KCNIP4: variants seen among roughly 807,000 people sequenced by gnomAD.
The protein encoded by KCNIP4 is Kv channel-interacting protein 4.
KCNIP4 carries 12 observed loss-of-function variants against 34.0 expected under a neutral mutation model. That is an observed-to-expected ratio of 0.35 (90% CI 0.23 to 0.57). The LOEUF (loss-of-function observed/expected upper bound fraction) is 0.57, where lower values mean the gene tolerates loss of function less well. Among genes scored for constraint, KCNIP4 ranks in the 20% least tolerant of loss-of-function variants. KCNIP4 has a pLI of 0.83. For synonymous variants in KCNIP4, 124 were observed against 102.2 expected, an observed-to-expected ratio of 1.21 and a Z score of -1.29; for missense variants, 238 against 311.7, an observed-to-expected ratio of 0.76 and a Z score of 1.78.
At chr4:21,670,962 AC>A (rs912542036) in intron 1 of KCNIP4, among the ~76,000 whole-genome samples, 8 of 143,534 alleles carry the variant, frequency 5.6e-5, no homozygotes, top group African/African-American at 1.8e-4. Context: ...GGCTGAGTAA[AC>A]TTTTTTTTTT....
At chr4:20,819,208 C>G (rs1450446723) in intron 3 of KCNIP4, among the ~76,000 whole-genome samples, 1 of 152,022 alleles carries the variant, frequency 6.6e-6, no homozygotes, top group African/African-American at 2.4e-5. Context: ...TATACACAAA[C>G]ACTATCATTA....
intron 1 of KCNIP4, among the ~76,000 whole-genome samples, chr4:21,837,501 T>C (rs1259656474): frequency 1.9e-5 from 2 of 107,822 alleles, no homozygotes; most frequent in African/African-American, 3.9e-5. Context: ...GCCATTGCAC[T>C]CCAGCCTGGG....
intron 1 of KCNIP4, among the ~76,000 whole-genome samples, chr4:20,887,955 G>C (rs1725505392): frequency 6.6e-6 from 1 of 151,972 alleles, no homozygotes; most frequent in Admixed American, 6.6e-5. Flanking sequence ...AGTTGGGGGA[G>C]GGTCAATGGA....
At chr4:21,815,547 A>AG (rs1383044676) in intron 1 of KCNIP4, among the ~76,000 whole-genome samples, 1 of 152,162 alleles carries the variant, frequency 6.6e-6, no homozygotes, top group Non-Finnish European at 1.5e-5. Flanking sequence ...AAAAAAGCAA[A>AG]AAGACCTCAA....
chr4:21,525,281 G>A (rs1288754678), intron 1 of KCNIP4, among the ~76,000 whole-genome samples: 1 of 152,054 alleles, frequency 6.6e-6, no homozygotes, highest in African/African-American at 2.4e-5. Flanking sequence ...CTTCTAGGAG[G>A]CAATAGTCCT....
intron 1 of KCNIP4, chr4:21,316,284 C>T (rs1262521758): frequency 2.6e-5 from 4 of 152,132 alleles, no homozygotes; most frequent in African/African-American, 9.7e-5. Flanking sequence ...CTCCTCAGTA[C>T]TTATCCATGT....
At chr4:21,014,552 C>A (rs1739338764) in intron 1 of KCNIP4, among the ~76,000 whole-genome samples, 1 of 152,106 alleles carries the variant, frequency 6.6e-6, no homozygotes, top group African/African-American at 2.4e-5. Context: ...AAATGCAAAT[C>A]AAATCACATT....
intron 1 of KCNIP4, among the ~76,000 whole-genome samples, chr4:21,181,584 T>A (rs1754848549): frequency 6.6e-6 from 1 of 152,124 alleles, no homozygotes; most frequent in South Asian, 2.1e-4. Context: ...TACCATGGTA[T>A]AATGAGCTGT....
At chr4:21,416,191 T>C (rs1214452155) in intron 1 of KCNIP4, among the ~76,000 whole-genome samples, 2 of 152,230 alleles carry the variant, frequency 1.3e-5, no homozygotes, top group East Asian at 1.9e-4. Flanking sequence ...ATTTAATTCC[T>C]ATAAATATTT....
intron 1 of KCNIP4, among the ~76,000 whole-genome samples, chr4:20,994,520 G>T (rs1281268306): frequency 1.3e-5 from 2 of 152,158 alleles, no homozygotes; most frequent in African/African-American, 4.8e-5. Context: ...TATTAAAAAG[G>T]GAACACTAAA....
chr4:21,673,164 T>C (rs989642184), intron 1 of KCNIP4, among the ~76,000 whole-genome samples: 65 of 152,336 alleles, frequency 4.3e-4, no homozygotes, highest in African/African-American at 1.5e-3. Flanking sequence ...TGTAAGCAAC[T>C]AGCATTTATA....
At chr4:20,731,152 A>G (rs1748054685) in intron 8 of KCNIP4, among the ~76,000 whole-genome samples, 1 of 152,104 alleles carries the variant, frequency 6.6e-6, no homozygotes, top group Admixed American at 6.6e-5. Flanking sequence ...TGGCACAATC[A>G]TGGCTCAACA....
intron 1 of KCNIP4, among the ~76,000 whole-genome samples, chr4:21,031,489 T>C (rs1159675573): frequency 1.3e-5 from 2 of 152,194 alleles, no homozygotes; most frequent in Non-Finnish European, 2.9e-5. Flanking sequence ...TGAATTCAGA[T>C]TGGTAAAACA....
At chr4:21,744,458 C>A (rs1372136418) in intron 1 of KCNIP4, among the ~76,000 whole-genome samples, 1 of 152,194 alleles carries the variant, frequency 6.6e-6, no homozygotes, top group African/African-American at 2.4e-5. Flanking sequence ...ATTGGTTTGA[C>A]TTATTTCAAC....
chr4:21,467,006 T>C (rs983174727), intron 1 of KCNIP4, among the ~76,000 whole-genome samples: 2 of 151,760 alleles, frequency 1.3e-5, no homozygotes, highest in Admixed American at 6.6e-5. Context: ...TTCTGAAATA[T>C]GTCATGGCCA....
At chr4:21,829,960 T>C (rs1486582542) in intron 1 of KCNIP4, among the ~76,000 whole-genome samples, 2 of 151,824 alleles carry the variant, frequency 1.3e-5, no homozygotes, top group Non-Finnish European at 2.9e-5. Flanking sequence ...AACCAGAAAA[T>C]AATTGTTTTA....
At chr4:21,009,277 C>T (rs1224722203) in intron 1 of KCNIP4, among the ~76,000 whole-genome samples, 1 of 152,122 alleles carries the variant, frequency 6.6e-6, no homozygotes, top group African/African-American at 2.4e-5. Context: ...ACATACTTAT[C>T]CAATGAATAA....
In KCNIP4 at chr4:20,729,432, A is replaced by ATAAGT. The variant is rs1553881489; in HGVS notation, c.*645_*649dup. On this transcript the variant is annotated 3_prime_UTR_variant, in exon 9 of 9. Transcript: ENST00000382152. ...TATGGAAAATTAAATGCTTATTAAAATAAGTTTTATTAGGCATATGCTGAT... is the reference window on the plus strand; with the variant it reads ...TATGGAAAATTAAATGCTTATTAAAATAAGTTAAGTTTTATTAGGCATATGCTGAT... The ATAAGT allele has an allele frequency of 6.6e-6, 1 of 151,782 alleles. No individual in the cohort carries two copies. The highest frequency in any genetic ancestry group is 1.5e-5 in the Non-Finnish European group (1 of 67,950). 9.4% of individuals were successfully genotyped at this position (151,782 alleles called of 1,614,324 possible).
chr4:20,952,302 T>C (rs1034153749), intron 1 of KCNIP4, among the ~76,000 whole-genome samples: 2 of 152,194 alleles, frequency 1.3e-5, no homozygotes, highest in Non-Finnish European at 2.9e-5. Flanking sequence ...GGCACTTCTA[T>C]GTATTTAAAT....
Sources: allele counts gnomAD v4.1 joint callset (sites outside exome capture counted in the v4.1 genomes callset), GRCh38; gene constraint gnomAD v4.1.1; transcripts MANE v1.5; gene names NCBI Gene and HGNC (gene_info 2026-07-23, HGNC 2026-07-21).